Variants in LARP1B observed in about 807,000 individuals in gnomAD.
LARP1B encodes la-related protein 1B.
In LARP1B, 76 loss-of-function variants were observed where a neutral mutation model predicts 114.2. The ratio of observed to expected loss-of-function variants is 0.67; its 90% CI spans 0.55 to 0.81. The LOEUF (loss-of-function observed/expected upper bound fraction) is 0.81. Ranked by LOEUF, LARP1B falls within the 30% of genes least tolerant of loss-of-function variation. The probability of loss-of-function intolerance (pLI) is 0.00; values close to 1 mark genes in which losing one functional copy is unlikely to be tolerated. For missense variants in LARP1B, 1,014 were observed against 1,075.8 expected (o/e 0.94, Z 0.80); for synonymous variants, 345 against 348.0 (o/e 0.99, Z 0.10).
At chr4:128,205,420 T>C (rs1757301322) in intron 17 of LARP1B, among the ~76,000 whole-genome samples, 1 of 152,220 alleles carries the variant, frequency 6.6e-6, no homozygotes, top group Non-Finnish European at 1.5e-5. Context: ...TTCACTCTCA[T>C]GGGTTCTGCT....
chr4:128,122,701 T>C, intron 11 of LARP1B: 1 of 1,301,530 alleles, frequency 7.7e-7, no homozygotes. Context: ...TATAAATGAC[T>C]AAACTGGATG....
chr4:128,200,732 G>GCC, intron 17 of LARP1B, 67 bp downstream of exon 17: 1 of 1,172,918 alleles, frequency 8.5e-7, no homozygotes, highest in Non-Finnish European at 1.2e-6. Flanking sequence ...TCTTTACCCA[G>GCC]GTAGATCCGA....
At chr4:128,177,275 A>T (rs781280014) in intron 13 of LARP1B, among the ~76,000 whole-genome samples, 4 of 152,244 alleles carry the variant, frequency 2.6e-5, no homozygotes, top group Non-Finnish European at 4.4e-5. Flanking sequence ...GTGTAAGTTC[A>T]CTTTTGACTT....
chr4:128,131,955 C>T (rs1178249325), intron 11 of LARP1B, among the ~76,000 whole-genome samples: 2 of 152,144 alleles, frequency 1.3e-5, no homozygotes, highest in Admixed American at 1.3e-4. Flanking sequence ...TACTCTGCTG[C>T]TGGGAATGTA....
intron 12 of LARP1B, among the ~76,000 whole-genome samples, chr4:128,167,585 G>T (rs1741679451): frequency 6.6e-6 from 1 of 151,812 alleles, no homozygotes; most frequent in African/African-American, 2.4e-5. Context: ...TGCCATGTTT[G>T]TTTATTTTTG....
intron 1 of LARP1B, among the ~76,000 whole-genome samples, chr4:128,065,939 C>A (rs975967765): frequency 6.6e-5 from 10 of 152,126 alleles, no homozygotes; most frequent in African/African-American, 2.2e-4. Context: ...CCTTGGCATC[C>A]CAAGTAGTTG....
chr4:128,213,374 G>A (rs143367057), downstream of LARP1B, among the ~76,000 whole-genome samples: 5 of 151,970 alleles, frequency 3.3e-5, no homozygotes, highest in Admixed American at 6.5e-5. Flanking sequence ...TACCCCTTAC[G>A]TTTTCCTTTT....
chr4:128,098,576 A>G (rs946544368), intron 8 of LARP1B, among the ~76,000 whole-genome samples: 6 of 150,614 alleles, frequency 4.0e-5, no homozygotes, highest in African/African-American at 9.8e-5. Flanking sequence ...TAGTCAACCT[A>G]TTTTAAACCT....
chr4:128,202,880 C>A (rs911393165), intron 17 of LARP1B, among the ~76,000 whole-genome samples: 2 of 152,148 alleles, frequency 1.3e-5, no homozygotes, highest in East Asian at 1.9e-4. Context: ...AGATTATAAT[C>A]CCACCAGGCT....
chr4:128,207,222 A>G (rs1270571095), intron 18 of LARP1B, 34 bp from the exon 19 acceptor site: 1 of 1,041,780 alleles, frequency 9.6e-7, no homozygotes, highest in Middle Eastern at 3.4e-4. Context: ...AAAATTTCAT[A>G]TAATTCATAA....
At chr4:128,153,473 T>G (rs890857795) in intron 11 of LARP1B, among the ~76,000 whole-genome samples, 1 of 151,958 alleles carries the variant, frequency 6.6e-6, no homozygotes, top group African/African-American at 2.4e-5. Context: ...GCCTGGCTAA[T>G]TTTTGTACTT....
In LARP1B at chr4:128,210,015, A is replaced by G; in HGVS notation, c.2707A>G (p.Arg903Gly). 1.9e-6 allele frequency: 3 copies of G among 1,614,180 alleles called. No individual in the cohort carries two copies. Among genetic ancestry groups the G allele is most frequent in the South Asian group, 1.1e-5 (1 of 91,088 alleles). The change falls in exon 20 of 20, where the codon AGG becomes GGG. Residue 903 changes from arginine (R) to glycine (G), a missense_variant. Coordinates refer to ENST00000326639, the MANE Select transcript of LARP1B (RefSeq NM_018078.4). ...ELQVPINSPR[R>G]NISPESSDNS... is the part of the protein sequence containing the mutation. ...TCAGGTACCAATAAACTCTCCCAGAAGGAATATTTCACCGGAGTCCAGTGA... is the reference window on the plus strand; with the variant it reads ...TCAGGTACCAATAAACTCTCCCAGAGGGAATATTTCACCGGAGTCCAGTGA...
At chr4:128,061,810 G>T in intron 1 of LARP1B, 1 of 984,672 alleles carries the variant, frequency 1.0e-6, no homozygotes, top group Non-Finnish European at 1.2e-6. Flanking sequence ...AGCCGCCCCC[G>T]CCCGAATGTG....
intron 15 of LARP1B, among the ~76,000 whole-genome samples, chr4:128,188,823 T>G (rs1183076947): frequency 6.6e-6 from 1 of 152,182 alleles, no homozygotes; most frequent in Non-Finnish European, 1.5e-5. Context: ...TTCATGTTAT[T>G]GATTTCTATT....
downstream of LARP1B, among the ~76,000 whole-genome samples, chr4:128,214,159 C>T (rs1453944651): frequency 5.7e-5 from 8 of 139,216 alleles, no homozygotes; most frequent in South Asian, 5.3e-4. Flanking sequence ...CCTACGCCCA[C>T]GGAATCTCGC....
intron 11 of LARP1B, among the ~76,000 whole-genome samples, chr4:128,137,670 A>G (rs905339928): frequency 2.0e-5 from 3 of 151,786 alleles, no homozygotes; most frequent in Non-Finnish European, 4.4e-5. Context: ...AGGGTAATTT[A>G]TATATCTATC....
chr4:128,173,584 TTAGA>T lies in LARP1B; in HGVS notation c.1649-3284_1649-3281del, dbSNP rs565243183. 6.7e-3 allele frequency among the ~76,000 whole-genome samples: 1,020 copies of T among 152,292 alleles called. 9 individuals carry two copies. The highest frequency in any genetic ancestry group is 0.012 in the Non-Finnish European group (809 of 68,010). ...TGGTAGTGATAAAATTTGGAAAATC[TTAGA>T]TAGTAAAATAGTTAGCACACCCCTT... On this transcript the variant is annotated intron_variant, in intron 12 of 19. Transcript: ENST00000326639.
In LARP1B at chr4:128,206,527, C is replaced by T; in HGVS notation, c.2409C>T (p.Asp803=). 6.2e-7 allele frequency: 1 copy of T among 1,608,236 alleles called. No individual in the cohort carries two copies. Among genetic ancestry groups the T allele is most frequent in the Non-Finnish European group, 8.5e-7 (1 of 1,177,966 alleles). Residue 803 remains aspartate (D), a synonymous_variant, in exon 18 of 20, where the codon GAC becomes GAT. Coordinates refer to ENST00000326639, the MANE Select transcript of LARP1B (RefSeq NM_018078.4). ...ATTTCCAAGAAGAAACCAAAAAAGA[C>T]TACGAATCTGGTAACAATAACATCA... ...FQDFQEETKK[D]YESGQLYGLE...
chr4:128,107,417 T>G (rs961305908), intron 9 of LARP1B, 104 bp downstream of exon 9: 18 of 1,527,730 alleles, frequency 1.2e-5, no homozygotes, highest in Non-Finnish European at 1.6e-5. Flanking sequence ...GATAGGAAAA[T>G]TAAAGCTAAC....
Sources: gnomAD v4.1 joint callset for allele counts (sites outside exome capture counted in the v4.1 genomes callset) on GRCh38, gnomAD v4.1.1 for gene constraint, MANE v1.5 for transcripts, NCBI Gene and HGNC (gene_info 2026-07-23, HGNC 2026-07-21) for gene names.